MAGI2: variants seen among roughly 807,000 people sequenced by gnomAD.
MAGI2 encodes the protein membrane associated guanylate kinase, WW and PDZ domain containing 2, also known as membrane-associated guanylate kinase, WW and PDZ domain-containing protein 2.
A neutral mutation model predicts 133.3 loss-of-function variants in MAGI2; 35 were observed. The observed-to-expected ratio is 0.26, with a 90% CI of 0.20 to 0.35. The LOEUF (loss-of-function observed/expected upper bound fraction) is 0.35. Among genes scored for constraint, MAGI2 ranks in the 10% least tolerant of loss-of-function variants. The probability of loss-of-function intolerance (pLI) is 1.00; values close to 1 mark genes in which losing one functional copy is unlikely to be tolerated. For synonymous variants in MAGI2, 729 were observed against 710.6 expected, an observed-to-expected ratio of 1.03 and a Z score of -0.41; for missense variants, 1,636 against 1,863.4, an observed-to-expected ratio of 0.88 and a Z score of 2.25.
chr7:79,419,175 CTT>C (rs1168247466), intron 1 of MAGI2, among the ~76,000 whole-genome samples: 1 of 151,924 alleles, frequency 6.6e-6, no homozygotes, highest in East Asian at 1.9e-4. Flanking sequence ...CTAAACATCT[CTT>C]GTTTTCTCCT....
chr7:79,010,749 A>C (rs1471389328), intron 1 of MAGI2, among the ~76,000 whole-genome samples: 1 of 152,006 alleles, frequency 6.6e-6, no homozygotes, highest in Non-Finnish European at 1.5e-5. Context: ...TTATATTTGA[A>C]TAACTATTGA....
At chr7:78,993,683 T>G (rs1316458594) in intron 2 of MAGI2, among the ~76,000 whole-genome samples, 1 of 152,042 alleles carries the variant, frequency 6.6e-6, no homozygotes, top group African/African-American at 2.4e-5. Context: ...AACCTTCTTC[T>G]GTTGTTCTTT....
chr7:78,322,696 A>G (rs190485602), intron 9 of MAGI2, among the ~76,000 whole-genome samples: 4 of 152,170 alleles, frequency 2.6e-5, no homozygotes, highest in Admixed American at 1.3e-4. Flanking sequence ...CTACCATGGC[A>G]CATGTATACC....
intron 2 of MAGI2, among the ~76,000 whole-genome samples, chr7:78,659,449 AAAG>A (rs1812685457): frequency 1.3e-5 from 2 of 149,112 alleles, no homozygotes; most frequent in Admixed American, 6.7e-5. Flanking sequence ...AAAAAAAAAA[AAAG>A]CAAAACAAAA....
In MAGI2 at chr7:78,897,180, T is replaced by C. The variant is rs542298801; in HGVS notation, c.418+109910A>G. 1.1e-4 allele frequency among the ~76,000 whole-genome samples: 17 copies of C among 152,362 alleles called. No homozygotes were observed. The South Asian group carries it at 3.5e-3, about 32-fold the overall frequency. On this transcript the variant is annotated intron_variant, in intron 2 of 21. Transcript: ENST00000354212. ...TATTTATCATATTTATCTAATTTCATGTATAAGGAACACTTCTGAAGGAAA... is the reference window on the plus strand; with the variant it reads ...TATTTATCATATTTATCTAATTTCACGTATAAGGAACACTTCTGAAGGAAA...
intron 21 of MAGI2, among the ~76,000 whole-genome samples, chr7:78,050,208 A>G (rs573730820): frequency 2.0e-4 from 31 of 152,192 alleles, no homozygotes; most frequent in Non-Finnish European, 4.3e-4. Flanking sequence ...CTGTGTTTAT[A>G]TAACACATTT....
intron 16 of MAGI2, among the ~76,000 whole-genome samples, chr7:78,154,465 A>G (rs3807688): frequency 0.22 from 33,083 of 152,194 alleles, 3,986 homozygotes; most frequent in Non-Finnish European, 0.28. Context: ...GAGGAACACC[A>G]ATGAAGAAAG....
chr7:79,388,947 C>A (rs964299841), intron 1 of MAGI2, among the ~76,000 whole-genome samples: 1 of 151,082 alleles, frequency 6.6e-6, no homozygotes, highest in African/African-American at 2.4e-5. Context: ...AAGTATATAA[C>A]CTTTCCATAA....
At chr7:78,051,884 C>CTTCTTTTTT in intron 21 of MAGI2, among the ~76,000 whole-genome samples, 1 of 125,808 alleles carries the variant, frequency 7.9e-6, no homozygotes, top group East Asian at 2.4e-4. Flanking sequence ...CATACCCAGC[C>CTTCTTTTTT]TTTTTTTTTT....
intron 2 of MAGI2, among the ~76,000 whole-genome samples, chr7:78,840,963 A>G (rs538950173): frequency 6.6e-6 from 1 of 152,092 alleles, no homozygotes; most frequent in Admixed American, 6.6e-5. Flanking sequence ...ATCCTTTGAG[A>G]CTTCGTTCCA....
chr7:78,441,163 T>G (rs1469103947), intron 6 of MAGI2, among the ~76,000 whole-genome samples: 1 of 152,180 alleles, frequency 6.6e-6, no homozygotes, highest in Non-Finnish European at 1.5e-5. Flanking sequence ...CTGCACAATT[T>G]GGTCTCAAGC....
chr7:78,798,672 T>C (rs986645953), intron 2 of MAGI2, among the ~76,000 whole-genome samples: 1 of 152,166 alleles, frequency 6.6e-6, no homozygotes, highest in Non-Finnish European at 1.5e-5. Flanking sequence ...CATTTCCCAA[T>C]GGAGAACGGC....
chr7:78,824,374 C>G (rs1035893009), intron 2 of MAGI2, among the ~76,000 whole-genome samples: 2 of 152,150 alleles, frequency 1.3e-5, no homozygotes, highest in African/African-American at 4.8e-5. Flanking sequence ...AGTGGTTGAA[C>G]TAATTTATAC....
intron 2 of MAGI2, among the ~76,000 whole-genome samples, chr7:78,775,312 T>G (rs1302178602): frequency 1.4e-5 from 1 of 69,808 alleles, no homozygotes; most frequent in African/African-American, 6.1e-5. Flanking sequence ...GACTCTGTCG[T>G]CTCAAATTAA....
intron 2 of MAGI2, among the ~76,000 whole-genome samples, chr7:78,880,548 A>T (rs1309161933): frequency 6.6e-6 from 1 of 152,194 alleles, no homozygotes; most frequent in Non-Finnish European, 1.5e-5. Context: ...TTACCACTAG[A>T]CCAGATTTAC....
At chr7:79,043,787 G>A (rs1475003437) in intron 1 of MAGI2, among the ~76,000 whole-genome samples, 1 of 151,914 alleles carries the variant, frequency 6.6e-6, no homozygotes, top group Non-Finnish European at 1.5e-5. Flanking sequence ...CACACAACTA[G>A]AAAATGTAGA....
chr7:79,239,358 G>A (rs1451442934), intron 1 of MAGI2, among the ~76,000 whole-genome samples: 1 of 152,050 alleles, frequency 6.6e-6, no homozygotes, highest in Non-Finnish European at 1.5e-5. Context: ...CTATTATAAA[G>A]ATAGATTTTT....
At chr7:78,266,880 C>T (rs1794073257) in intron 9 of MAGI2, among the ~76,000 whole-genome samples, 1 of 152,086 alleles carries the variant, frequency 6.6e-6, no homozygotes, top group Non-Finnish European at 1.5e-5. Context: ...CCAAAAAACC[C>T]TCTTTTATGA....
intron 16 of MAGI2, among the ~76,000 whole-genome samples, chr7:78,144,818 G>T (rs1439542783): frequency 6.6e-6 from 1 of 152,084 alleles, no homozygotes; most frequent in East Asian, 1.9e-4. Flanking sequence ...TGTTACATAG[G>T]TATGCGTGTG....
Sources: gnomAD v4.1 joint callset for allele counts (sites outside exome capture counted in the v4.1 genomes callset) on GRCh38, gnomAD v4.1.1 for gene constraint, MANE v1.5 for transcripts, NCBI Gene and HGNC (gene_info 2026-07-23, HGNC 2026-07-21) for gene names.